Variants in BICD1 observed in about 807,000 individuals in gnomAD.
BICD1 encodes the protein BICD cargo adaptor 1.
A neutral mutation model predicts 92.5 loss-of-function variants in BICD1; 35 were observed. The observed-to-expected ratio is 0.38, with a 90% CI of 0.29 to 0.50. The LOEUF (loss-of-function observed/expected upper bound fraction) is 0.50. Among genes scored for constraint, BICD1 ranks in the 20% least tolerant of loss-of-function variants. The pLI is 0.93. For synonymous variants in BICD1, 429 were observed against 465.1 expected (o/e 0.92, Z 1.00); for missense variants, 950 against 1,189.8 (o/e 0.80, Z 2.97).
intron 1 of BICD1, among the ~76,000 whole-genome samples, chr12:32,135,203 C>T (rs1942691585): frequency 6.6e-6 from 1 of 151,636 alleles, no homozygotes; most frequent in Non-Finnish European, 1.5e-5. Context: ...ATTCTCCTGC[C>T]TCAGCCTCCT....
Position 32,263,328 on chromosome 12 carries a change from C to T in BICD1, c.427-30666C>T, listed in dbSNP as rs144382241. On this transcript the variant is annotated intron_variant, in intron 2 of 9. Coordinates refer to ENST00000652176, the MANE Select transcript of BICD1 (RefSeq NM_001714.4). ...CTTTGGGAGGCCGAGGCGGGTGGAT[C>T]ACGAGGTCAGGAGTTCAAGACCACT... 6.3e-3 allele frequency among the ~76,000 whole-genome samples: 964 copies of T among 152,170 alleles called. 13 individuals are homozygous for T. Among genetic ancestry groups the T allele is most frequent in the African/African-American group, 0.022 (915 of 41,516 alleles).
chr12:32,173,045 GT>G lies in BICD1; in HGVS notation c.214-43191del, dbSNP rs542190430. On this transcript the variant is annotated intron_variant, in intron 1 of 9. Coordinates refer to ENST00000652176, the MANE Select transcript of BICD1 (RefSeq NM_001714.4). Reference sequence around the variant, plus strand: ...CCCGCCCTGTTCAGGCAGAGGCAGAGTTTTTTTTTTTGTTTTTTTTGGAGAC... The same window carrying G: ...CCCGCCCTGTTCAGGCAGAGGCAGAGTTTTTTTTTTGTTTTTTTTGGAGAC... Among the ~76,000 whole-genome samples the G allele has an allele frequency of 1.4e-4, 20 of 143,040 alleles. No homozygotes were observed. The South Asian group carries it at 2.4e-3, about 17-fold the overall frequency. The allele number at this position is 143,040 out of a possible 152,430, so 93.8% of individuals were successfully genotyped here.
At chr12:32,122,228 C>T (rs1327340560) in intron 1 of BICD1, among the ~76,000 whole-genome samples, 2 of 151,930 alleles carry the variant, frequency 1.3e-5, no homozygotes, top group South Asian at 2.1e-4. Context: ...GGGTGGATCA[C>T]GAGGTCAGGA....
chr12:32,310,863 T>G (rs2136227423), intron 4 of BICD1, among the ~76,000 whole-genome samples: 1 of 152,250 alleles, frequency 6.6e-6, no homozygotes, highest in Non-Finnish European at 1.5e-5. Context: ...AATAAATACA[T>G]TAATTTGTTT....
chr12:32,146,278 G>T (rs1007696739), intron 1 of BICD1, among the ~76,000 whole-genome samples: 5 of 152,202 alleles, frequency 3.3e-5, no homozygotes, highest in African/African-American at 1.2e-4. Context: ...CACATTCACT[G>T]TGGCTTCCAA....
intron 1 of BICD1, among the ~76,000 whole-genome samples, chr12:32,179,989 C>CAA (rs4001794): frequency 0.19 from 22,991 of 121,784 alleles, 2,443 homozygotes; most frequent in Middle Eastern, 0.28. Context: ...GACACGCTCT[C>CAA]AAAAAAAAAA....
chr12:32,198,330 C>CTATATATATATA lies in BICD1; in HGVS notation c.214-17905_214-17894dup, dbSNP rs749446989. ...GATTATGGGAATAATATGCATCTAT[C>CTATATATATATA]TATATATATATATATATATATATTC... On this transcript the variant is annotated intron_variant, in intron 1 of 9. Coordinates refer to ENST00000652176, the MANE Select transcript of BICD1 (RefSeq NM_001714.4). Among the ~76,000 whole-genome samples, 217 of 117,754 alleles carry CTATATATATATA rather than the reference C, an allele frequency of 1.8e-3. 3 individuals are homozygous for CTATATATATATA. The highest frequency in any genetic ancestry group is 4.4e-3 in the Middle Eastern group (1 of 226). 77.3% of individuals were successfully genotyped at this position (117,754 alleles called of 152,430 possible). A position where few individuals can be genotyped will look rare whatever the true frequency, so the allele number is the denominator to read the frequency against.
intron 3 of BICD1, among the ~76,000 whole-genome samples, chr12:32,303,991 C>A (rs866351587): frequency 2.0e-5 from 3 of 151,998 alleles, no homozygotes; most frequent in Non-Finnish European, 4.4e-5. Context: ...AGGAGAATGG[C>A]GTCAACCAGG....
At chr12:32,357,661 T>A (rs572672634) in intron 8 of BICD1, among the ~76,000 whole-genome samples, 1 of 152,286 alleles carries the variant, frequency 6.6e-6, no homozygotes, top group African/African-American at 2.4e-5. Flanking sequence ...GTCTGTTTTC[T>A]CCTGAGGTCT....
intron 1 of BICD1, among the ~76,000 whole-genome samples, chr12:32,191,161 C>A (rs1287203792): frequency 6.6e-6 from 1 of 152,048 alleles, no homozygotes; most frequent in East Asian, 1.9e-4. Flanking sequence ...TAATTTCACA[C>A]CCCAAGGAAC....
rs372615856 is a variant in BICD1 at position 32,315,359 on chromosome 12, G to A, written c.1005+9237G>A. On this transcript the variant is annotated intron_variant, in intron 4 of 9. Coordinates refer to ENST00000652176, the MANE Select transcript of BICD1 (RefSeq NM_001714.4). The stretch of plus-strand genomic sequence containing the variant: ...TTTTATGCCAATACTATAGTATCTT[G>A]ATTATAGTTTTTTTGTAGCAATTTT... 3.9e-5 allele frequency among the ~76,000 whole-genome samples: 6 copies of A among 152,188 alleles called. No homozygotes were observed. In the East Asian group the frequency reaches 7.7e-4, roughly 20 times the overall value.
intron 8 of BICD1, among the ~76,000 whole-genome samples, chr12:32,346,676 A>G (rs1320307748): frequency 1.5e-5 from 2 of 134,246 alleles, no homozygotes; most frequent in Admixed American, 1.6e-4. Flanking sequence ...ACACGCACAC[A>G]CACACATACA....
At chr12:32,273,143 G>A (rs1232511782) in intron 2 of BICD1, among the ~76,000 whole-genome samples, 2 of 152,138 alleles carry the variant, frequency 1.3e-5, no homozygotes, top group Non-Finnish European at 2.9e-5. Context: ...TCACTGACAG[G>A]CTCAGCATCA....
chr12:32,189,182 T>C (rs1743142618), intron 1 of BICD1, among the ~76,000 whole-genome samples: 1 of 152,222 alleles, frequency 6.6e-6, no homozygotes, highest in African/African-American at 2.4e-5. Context: ...ATTGAGGACA[T>C]GCAGTTAGAA....
chr12:32,308,617 T>G (rs1342793968), intron 4 of BICD1, among the ~76,000 whole-genome samples: 1 of 152,158 alleles, frequency 6.6e-6, no homozygotes, highest in African/African-American at 2.4e-5. Context: ...GGCTATTAGC[T>G]CAAGGCCAAT....
At chr12:32,198,212 GA>G (rs954944041) in intron 1 of BICD1, among the ~76,000 whole-genome samples, 1 of 147,018 alleles carries the variant, frequency 6.8e-6, no homozygotes, top group Non-Finnish European at 1.5e-5. Context: ...TCTGAAAAAA[GA>G]AAAAAAAATT....
chr12:32,191,754 A>T (rs1944576073), intron 1 of BICD1, among the ~76,000 whole-genome samples: 1 of 148,890 alleles, frequency 6.7e-6, no homozygotes, highest in Non-Finnish European at 1.5e-5. Context: ...TTGATGTTAC[A>T]ATAGTAATTG....
At chr12:32,187,112 C>A (rs2121528276) in intron 1 of BICD1, among the ~76,000 whole-genome samples, 1 of 152,202 alleles carries the variant, frequency 6.6e-6, no homozygotes. Context: ...TAGGTCAGGT[C>A]TTTTCTTGTG....
intron 4 of BICD1, among the ~76,000 whole-genome samples, chr12:32,308,553 A>T (rs73295814): frequency 0.033 from 5,033 of 152,276 alleles, 275 homozygotes; most frequent in African/African-American, 0.11. Context: ...CCTTTAATTT[A>T]TTAGGCACTC....
Sources: gnomAD v4.1 joint callset for allele counts (sites outside exome capture counted in the v4.1 genomes callset) on GRCh38, gnomAD v4.1.1 for gene constraint, MANE v1.5 for transcripts, NCBI Gene and HGNC (gene_info 2026-07-23, HGNC 2026-07-21) for gene names.